Variants in LAMA3 observed in about 807,000 individuals in gnomAD.
The protein encoded by LAMA3 is laminin subunit alpha-3.
A neutral mutation model predicts 402.0 loss-of-function variants in LAMA3; 281 were observed. The ratio of observed to expected loss-of-function variants is 0.70; its 90% confidence interval spans 0.63 to 0.77. The LOEUF is 0.77. Among genes scored for constraint, LAMA3 ranks in the 30% least tolerant of loss-of-function variants. The probability of loss-of-function intolerance (pLI) is 0.00; values close to 1 mark genes in which losing one functional copy is unlikely to be tolerated. For synonymous variants in LAMA3, 1,431 were observed against 1,558.4 expected (o/e 0.92, Z 1.93); for missense variants, 3,840 against 4,215.5 (o/e 0.91, Z 2.47).
rs1177684693 is a variant in LAMA3 at position 23,885,342 on chromosome 18, C to A, written c.5303+489C>A. Among the ~76,000 whole-genome samples the A allele has an allele frequency of 2.9e-5, 4 of 139,004 alleles. No individual in the cohort carries two copies. In the South Asian group the frequency reaches 1.1e-3, roughly 37 times the overall value. 91.2% of individuals were successfully genotyped at this position (139,004 alleles called of 152,430 possible). A position where few individuals can be genotyped will look rare whatever the true frequency, so the allele number is the denominator to read the frequency against. On this transcript the variant is annotated intron_variant, in intron 41 of 74. Transcript: ENST00000313654. Reference sequence around the variant, plus strand: ...AGATAGCCCCCCCACCCCCCCACCCCCACCCCCACCCCACACACACCCCTC... The same window carrying A: ...AGATAGCCCCCCCACCCCCCCACCCACACCCCCACCCCACACACACCCCTC...
At chr18:23,735,994 T>C (rs2061467630) in intron 2 of LAMA3, among the ~76,000 whole-genome samples, 1 of 152,142 alleles carries the variant, frequency 6.6e-6, no homozygotes, top group South Asian at 2.1e-4. Flanking sequence ...ATTTGTTAAT[T>C]GGTTCAGAAC....
At chr18:23,897,420 A>G (rs78605407) in intron 44 of LAMA3, among the ~76,000 whole-genome samples, 3 of 152,228 alleles carry the variant, frequency 2.0e-5, no homozygotes, top group Non-Finnish European at 4.4e-5. Flanking sequence ...GGGAAAAAAA[A>G]GGAAGCCACT....
Position 23,901,164 on chromosome 18 carries a change from G to A in LAMA3, c.6042G>A (p.Gln2014=). ...TAAGGACCTGGCAGAAAACCCACCA[G>A]GGGGAGAACAATGGGCTTGCTAACA... ...NRIRTWQKTH[Q]GENNGLANSI... is the part of the protein sequence containing the mutation. Residue 2014 remains glutamine, a synonymous_variant, in exon 48 of 75, where the codon CAG becomes CAA. Coordinates refer to ENST00000313654, the MANE Select transcript of LAMA3 (RefSeq NM_198129.4). 3 of 1,614,192 alleles carry A rather than the reference G, an allele frequency of 1.9e-6. No homozygotes were observed. Among genetic ancestry groups the A allele is most frequent in the Non-Finnish European group, 1.7e-6 (2 of 1,180,022 alleles).
chr18:23,700,699 T>C (rs2060775969), intron 1 of LAMA3, among the ~76,000 whole-genome samples: 1 of 150,224 alleles, frequency 6.7e-6, no homozygotes, highest in South Asian at 2.1e-4. Context: ...CTTTTTTCTT[T>C]TCTTTTCTTT....
intron 18 of LAMA3, among the ~76,000 whole-genome samples, chr18:23,817,380 G>A (rs189829536): frequency 2.6e-5 from 4 of 152,080 alleles, no homozygotes; most frequent in Admixed American, 6.5e-5. Flanking sequence ...TTTTTATGTC[G>A]TGGAGGTAAA....
chr18:23,928,035 A>G lies in LAMA3; in HGVS notation c.8178-88A>G. The G allele has an allele frequency of 4.4e-6, 4 of 919,200 alleles. No individual in the cohort carries two copies. The South Asian group carries it at 5.2e-5, about 12-fold the overall frequency. The allele number at this position is 919,200 out of a possible 1,614,324, so 56.9% of individuals were successfully genotyped here. Reference sequence around the variant, plus strand: ...AAAACACCTACTCATTTATGGGTGAAAAGTACTAAAGAGCACAGCGTTTCA... The same window carrying G: ...AAAACACCTACTCATTTATGGGTGAGAAGTACTAAAGAGCACAGCGTTTCA... On this transcript the variant is annotated intron_variant, in intron 62 of 74. Transcript: ENST00000313654.
intron 58 of LAMA3, 90 bp downstream of exon 58, chr18:23,914,950 TA>T: frequency 9.1e-7 from 1 of 1,094,170 alleles, no homozygotes. Context: ...TAATTACATA[TA>T]AAATGGATTT....
At chr18:23,930,975 C>A in intron 64 of LAMA3, 87 bp from the exon 65 acceptor site, 1 of 1,287,710 alleles carries the variant, frequency 7.8e-7, no homozygotes, top group Non-Finnish European at 1.1e-6. Context: ...TTGTTTTATA[C>A]ATGGTTTGGA....
intron 38 of LAMA3, among the ~76,000 whole-genome samples, chr18:23,871,989 A>G (rs1010478017): frequency 3.3e-5 from 5 of 152,222 alleles, no homozygotes; most frequent in African/African-American, 9.7e-5. Flanking sequence ...GAAATGATCA[A>G]TGTTTGAGAT....
At chr18:23,926,565 G>A (rs903755860) in intron 62 of LAMA3, among the ~76,000 whole-genome samples, 1 of 152,168 alleles carries the variant, frequency 6.6e-6, no homozygotes, top group Non-Finnish European at 1.5e-5. Flanking sequence ...ATTACAGGTA[G>A]CTCAACTGTT....
chr18:23,798,853 C>T (rs2062816163), intron 12 of LAMA3, among the ~76,000 whole-genome samples: 1 of 152,212 alleles, frequency 6.6e-6, no homozygotes, highest in East Asian at 1.9e-4. Flanking sequence ...CCCTCAAGCA[C>T]TAAGGAGCTC....
At chr18:23,756,001 G>A (rs1473181846) in intron 6 of LAMA3, among the ~76,000 whole-genome samples, 1 of 152,176 alleles carries the variant, frequency 6.6e-6, no homozygotes, top group African/African-American at 2.4e-5. Context: ...CCCCCTATGT[G>A]TGGAGTTGGA....
intron 67 of LAMA3, among the ~76,000 whole-genome samples, chr18:23,934,819 T>C (rs2082265201): frequency 6.6e-6 from 1 of 152,224 alleles, no homozygotes; most frequent in African/African-American, 2.4e-5. Context: ...AGCTATGTGC[T>C]CCTGTTCAAC....
At chr18:23,904,738 T>C in intron 51 of LAMA3, 44 bp downstream of exon 51, 2 of 1,596,486 alleles carry the variant, frequency 1.3e-6, no homozygotes, top group Non-Finnish European at 1.7e-6. Flanking sequence ...GCTGTGGAGA[T>C]GGCTGATTTT....
In LAMA3 at chr18:23,946,267, C is replaced by T; in HGVS notation, c.9334C>T (p.Pro3112Ser). The stretch of plus-strand genomic sequence containing the variant: ...AGCGCCAGTTTACCTGGGATCACCT[C>T]CATCAGGGAAACCAAAGGTAAATAG... The part of the protein sequence containing the change: ...IRAPVYLGSP[P>S]SGKPKSLPTN... Residue 3112 changes from proline to serine, a missense_variant, in exon 70 of 75, where the codon CCA (proline) becomes TCA (serine). Physicochemically the swap from Pro to Ser is moderately conservative, Grantham distance 74. Transcript: ENST00000313654. 1 of 1,614,066 alleles carries T rather than the reference C, an allele frequency of 6.2e-7. No homozygotes were observed. Among genetic ancestry groups the T allele is most frequent in the Non-Finnish European group, 8.5e-7 (1 of 1,180,000 alleles).
intron 2 of LAMA3, among the ~76,000 whole-genome samples, chr18:23,715,675 C>T (rs992602686): frequency 6.6e-6 from 1 of 152,178 alleles, no homozygotes; most frequent in Non-Finnish European, 1.5e-5. Context: ...AGGAAGAAGA[C>T]TGTAGCTATT....
In LAMA3 at chr18:23,779,031, GGGGCAGGGGCAGCCCT is replaced by G. The variant is rs1368381250; in HGVS notation, c.1468+1417_1468+1432del. Among the ~76,000 whole-genome samples, 6 of 152,280 alleles carry G rather than the reference GGGGCAGGGGCAGCCCT, an allele frequency of 3.9e-5. No individual in the cohort carries two copies. The South Asian group carries it at 6.2e-4, about 16-fold the overall frequency. ...AGGAAAGAGCAAGTGCAAAGTCCCT[GGGGCAGGGGCAGCCCT>G]GGGCCAAGGGTGTTCAGTGAACAAA... On this transcript the variant is annotated intron_variant, in intron 11 of 74. Transcript: ENST00000313654.
intron 12 of LAMA3, among the ~76,000 whole-genome samples, chr18:23,784,599 C>T (rs1338707585): frequency 6.6e-6 from 1 of 152,116 alleles, no homozygotes. Flanking sequence ...CACATGCAAA[C>T]CATAGAGACA....
intron 62 of LAMA3, among the ~76,000 whole-genome samples, chr18:23,923,556 G>C (rs1488108984): frequency 6.6e-6 from 1 of 152,194 alleles, no homozygotes; most frequent in Non-Finnish European, 1.5e-5. Flanking sequence ...ACGGAGGAGT[G>C]GGGTGAGAAG....
Sources: gnomAD v4.1 joint callset for allele counts (sites outside exome capture counted in the v4.1 genomes callset) on GRCh38, gnomAD v4.1.1 for gene constraint, MANE v1.5 for transcripts, NCBI Gene and HGNC (gene_info 2026-07-23, HGNC 2026-07-21) for gene names.